CDH13: variants seen among roughly 807,000 people sequenced by gnomAD.
The protein encoded by CDH13 is cadherin-13.
In CDH13, 24 loss-of-function variants were observed where a neutral mutation model predicts 63.8. The ratio of observed to expected loss-of-function variants is 0.38; its 90% confidence interval spans 0.27 to 0.53. CDH13 has a LOEUF of 0.53. Among genes scored for constraint, CDH13 ranks in the 20% least tolerant of loss-of-function variants. The pLI is 0.85. For missense variants in CDH13, 1,049 were observed against 903.1 expected, an observed-to-expected ratio of 1.16 and a Z score of -2.07; for synonymous variants, 503 against 355.3, an observed-to-expected ratio of 1.42 and a Z score of -4.67.
At chr16:83,725,236 T>TAA (rs1910242817) in intron 10 of CDH13, among the ~76,000 whole-genome samples, 1 of 152,126 alleles carries the variant, frequency 6.6e-6, no homozygotes, top group African/African-American at 2.4e-5. Flanking sequence ...GGAAATGGGA[T>TAA]AAACAAAGGC....
intron 7 of CDH13, among the ~76,000 whole-genome samples, chr16:83,584,098 G>T (rs1038208023): frequency 6.6e-6 from 1 of 152,158 alleles, no homozygotes; most frequent in Non-Finnish European, 1.5e-5. Context: ...GGGAGGCCAA[G>T]ATGGGCGGAT....
intron 6 of CDH13, among the ~76,000 whole-genome samples, chr16:83,380,208 A>G (rs2091537739): frequency 6.6e-6 from 1 of 152,142 alleles, no homozygotes; most frequent in African/African-American, 2.4e-5. Context: ...TATCTGTAAT[A>G]TTTTATTTCT....
At chr16:83,256,370 G>C (rs560316908) in intron 5 of CDH13, among the ~76,000 whole-genome samples, 1 of 152,082 alleles carries the variant, frequency 6.6e-6, no homozygotes, top group African/African-American at 2.4e-5. Context: ...ATATTTACAA[G>C]AAATTAATTC....
chr16:83,483,180 T>C (rs952901595), intron 6 of CDH13, among the ~76,000 whole-genome samples: 1 of 152,204 alleles, frequency 6.6e-6, no homozygotes, highest in Non-Finnish European at 1.5e-5. Flanking sequence ...TCTTCAATGC[T>C]GCAAACCTAT....
Position 83,032,064 on chromosome 16 carries a change from C to T in CDH13, c.212C>T (p.Pro71Leu), listed in dbSNP as rs1421284322. 1.2e-6 allele frequency: 2 copies of T among 1,610,862 alleles called. No homozygotes were observed. Among genetic ancestry groups the T allele is most frequent in the East Asian group, 2.2e-5 (1 of 44,668 alleles). Residue 71 changes from proline to leucine, a missense_variant, in exon 3 of 14, where the codon CCA (proline) becomes CTA (leucine). Coordinates refer to ENST00000567109, the MANE Select transcript of CDH13 (RefSeq NM_001257.5). ...AAGCTACGCTATGAGGTCTCGAGCC[C>T]ATACTTCAAGGTGAACAGCGATGGC... Reference protein sequence around the residue: ...NDKLRYEVSSPYFKVNSDGGL... With the variant: ...NDKLRYEVSSLYFKVNSDGGL...
intron 6 of CDH13, among the ~76,000 whole-genome samples, chr16:83,392,846 G>A (rs1403959682): frequency 6.6e-6 from 1 of 151,122 alleles, no homozygotes; most frequent in African/African-American, 2.4e-5. Flanking sequence ...GATGGAGGTA[G>A]CTTCTAGAAG....
intron 6 of CDH13, among the ~76,000 whole-genome samples, chr16:83,356,202 A>C (rs1249136398): frequency 7.3e-6 from 1 of 137,834 alleles, no homozygotes; most frequent in African/African-American, 2.7e-5. Flanking sequence ...GAGTGAGTTT[A>C]TTTATTTTCA....
chr16:82,741,709 G>A (rs1022074785), intron 1 of CDH13, among the ~76,000 whole-genome samples: 4 of 151,906 alleles, frequency 2.6e-5, no homozygotes, highest in African/African-American at 4.8e-5. Flanking sequence ...GTTCAACCTC[G>A]CCATTAATTA....
At chr16:82,780,472 A>G (rs1434345001) in intron 1 of CDH13, among the ~76,000 whole-genome samples, 2 of 152,240 alleles carry the variant, frequency 1.3e-5, no homozygotes, top group African/African-American at 4.8e-5. Context: ...GCACATTTTC[A>G]ACTGACTCTT....
intron 7 of CDH13, among the ~76,000 whole-genome samples, chr16:83,509,345 T>C (rs561969191): frequency 1.3e-5 from 2 of 152,350 alleles, no homozygotes; most frequent in Admixed American, 6.5e-5. Context: ...CAAAAGATTT[T>C]TGAGCACTGA....
At chr16:83,707,890 C>A (rs965742189) in intron 10 of CDH13, among the ~76,000 whole-genome samples, 2 of 137,360 alleles carry the variant, frequency 1.5e-5, no homozygotes, top group African/African-American at 2.7e-5. Context: ...GAGGAGAAGG[C>A]AAGAATACTT....
intron 5 of CDH13, among the ~76,000 whole-genome samples, chr16:83,313,992 C>CA (rs1432154684): frequency 6.6e-6 from 1 of 152,164 alleles, no homozygotes. Flanking sequence ...TTCCAGCACA[C>CA]AAATCCTATT....
intron 1 of CDH13, among the ~76,000 whole-genome samples, chr16:82,647,438 T>C (rs1415977069): frequency 1.3e-5 from 2 of 151,816 alleles, no homozygotes; most frequent in African/African-American, 4.8e-5. Context: ...AGGGGAAGTG[T>C]AGAGGAGTGG....
At chr16:83,394,473 G>T (rs915234772) in intron 6 of CDH13, among the ~76,000 whole-genome samples, 2 of 152,164 alleles carry the variant, frequency 1.3e-5, no homozygotes, top group Admixed American at 6.5e-5. Context: ...GTGGTGTACT[G>T]GAGGAATTGT....
At chr16:82,825,007 C>T (rs1381770124) in intron 1 of CDH13, 2 of 152,068 alleles carry the variant, frequency 1.3e-5, no homozygotes, top group Admixed American at 6.6e-5. Context: ...TTCTTTAAGA[C>T]AATCTGTGGA....
At chr16:83,023,631 G>A (rs1354736002) in intron 2 of CDH13, among the ~76,000 whole-genome samples, 1 of 152,124 alleles carries the variant, frequency 6.6e-6, no homozygotes, top group Non-Finnish European at 1.5e-5. Context: ...TTTTTAAATG[G>A]ACATAAACTG....
At chr16:83,188,406 T>C (rs377220932) in intron 4 of CDH13, among the ~76,000 whole-genome samples, 17 of 152,164 alleles carry the variant, frequency 1.1e-4, no homozygotes, top group African/African-American at 4.1e-4. Flanking sequence ...TTTTATTGAG[T>C]GTGGTTGCCT....
At chr16:83,192,670 G>A (rs566987656) in intron 4 of CDH13, among the ~76,000 whole-genome samples, 1 of 152,282 alleles carries the variant, frequency 6.6e-6, no homozygotes, top group African/African-American at 2.4e-5. Flanking sequence ...TAAAATGTGA[G>A]ATGGAGCAGG....
chr16:82,754,356 C>G (rs1007175330), intron 1 of CDH13, among the ~76,000 whole-genome samples: 2 of 152,014 alleles, frequency 1.3e-5, no homozygotes, highest in Non-Finnish European at 2.9e-5. Context: ...AATGAATAAC[C>G]GAATGAATGC....
Sources: gnomAD v4.1 joint callset for allele counts (sites outside exome capture counted in the v4.1 genomes callset) on GRCh38, gnomAD v4.1.1 for gene constraint, MANE v1.5 for transcripts, NCBI Gene and HGNC (gene_info 2026-07-23, HGNC 2026-07-21) for gene names.